Variants in SOX5 observed in about 807,000 individuals in gnomAD.
The protein encoded by SOX5 is transcription factor SOX-5.
SOX5 carries 9 observed loss-of-function variants against 92.0 expected under a neutral mutation model. That is an observed-to-expected ratio of 0.10 (90% confidence interval 0.06 to 0.17). SOX5 has a LOEUF of 0.17. Among genes scored for constraint, SOX5 ranks in the 10% least tolerant of loss-of-function variants. The probability of loss-of-function intolerance (pLI) is 1.00; values close to 1 mark genes in which losing one functional copy is unlikely to be tolerated. For synonymous variants in SOX5, 344 were observed against 336.3 expected (o/e 1.02, Z -0.25); for missense variants, 642 against 944.5 (o/e 0.68, Z 4.20).
intron 6 of SOX5, among the ~76,000 whole-genome samples, chr12:23,719,463 T>A (rs976703715): frequency 7.2e-5 from 11 of 152,094 alleles, no homozygotes; most frequent in African/African-American, 2.7e-4. Flanking sequence ...AAGGAGCTAT[T>A]TGCCAAGCAT....
intron 1 of SOX5, among the ~76,000 whole-genome samples, chr12:24,417,183 A>C (rs143678871): frequency 6.6e-6 from 1 of 152,336 alleles, no homozygotes; most frequent in Non-Finnish European, 1.5e-5. Flanking sequence ...CAAAGCTACG[A>C]GACTGGACAG....
At chr12:23,545,382 G>A (rs1942922395) in intron 12 of SOX5, among the ~76,000 whole-genome samples, 1 of 152,174 alleles carries the variant, frequency 6.6e-6, no homozygotes, top group Non-Finnish European at 1.5e-5. Flanking sequence ...TATTGTATAA[G>A]AAGAACAGCA....
chr12:24,326,477 C>G (rs1950690983), intron 2 of SOX5, among the ~76,000 whole-genome samples: 1 of 152,016 alleles, frequency 6.6e-6, no homozygotes, highest in African/African-American at 2.4e-5. Flanking sequence ...TCTATCCCTA[C>G]TAGACTGTAA....
Position 23,756,229 on chromosome 12 carries a change from C to T in SOX5, c.482-505G>A, listed in dbSNP as rs544737166. On this transcript the variant is annotated intron_variant, in intron 3 of 14. Transcript: ENST00000451604. ...ACTGTGGTAAGATTTGCCAGTACTG[C>T]GAACATAAAAAAAAACAAAAAAAAA... Among the ~76,000 whole-genome samples the T allele has an allele frequency of 4.1e-3, 587 of 144,156 alleles. 1 individual carries two copies. The highest frequency in any genetic ancestry group is 9.8e-3 in the South Asian group (44 of 4,480). 94.6% of individuals were successfully genotyped at this position (144,156 alleles called of 152,430 possible).
chr12:23,608,142 G>T (rs1009023032), intron 8 of SOX5, among the ~76,000 whole-genome samples: 12 of 118,752 alleles, frequency 1.0e-4, no homozygotes, highest in African/African-American at 3.8e-4. Flanking sequence ...AAAAAAAAAA[G>T]GCTGAGCTGA....
chr12:23,650,152 A>C (rs1285195001), intron 7 of SOX5, among the ~76,000 whole-genome samples: 1 of 152,156 alleles, frequency 6.6e-6, no homozygotes, highest in African/African-American at 2.4e-5. Context: ...AGGATTCACC[A>C]TGTAAACTAA....
chr12:23,984,862 A>T (rs894299885), intron 4 of SOX5, among the ~76,000 whole-genome samples: 1 of 152,202 alleles, frequency 6.6e-6, no homozygotes, highest in African/African-American at 2.4e-5. Context: ...GACTAATAAT[A>T]ATTGTAATTA....
chr12:23,529,566 T>C lies in SOX5; in HGVS notation c.*4653A>G, dbSNP rs1276081757. ...TGGCAGTAATACTGAAAAAGGAGAA[T>C]GCAAAAAAATAAAATAAAATAAACA... On this transcript the variant is annotated 3_prime_UTR_variant, in exon 15 of 15. Transcript: ENST00000451604. The C allele has an allele frequency of 6.6e-6, 1 of 151,780 alleles. No homozygotes were observed. Among genetic ancestry groups the C allele is most frequent in the African/African-American group, 2.4e-5 (1 of 41,342 alleles). 9.4% of individuals were successfully genotyped at this position (151,780 alleles called of 1,614,324 possible). A position where few individuals can be genotyped will look rare whatever the true frequency, so the allele number is the denominator to read the frequency against.
At chr12:24,031,463 T>A (rs1569509143) in intron 4 of SOX5, among the ~76,000 whole-genome samples, 1 of 151,880 alleles carries the variant, frequency 6.6e-6, no homozygotes, top group Non-Finnish European at 1.5e-5. Context: ...CTAATTTACA[T>A]GTGAAATCTC....
intron 13 of SOX5, among the ~76,000 whole-genome samples, chr12:23,540,117 A>AAAT (rs1484531939): frequency 6.6e-6 from 1 of 151,706 alleles, no homozygotes; most frequent in Non-Finnish European, 1.5e-5. Context: ...AAGAGAGAAA[A>AAAT]AATATCTACT....
intron 1 of SOX5, among the ~76,000 whole-genome samples, chr12:24,401,421 T>C (rs1394814464): frequency 6.6e-6 from 1 of 151,700 alleles, no homozygotes; most frequent in Non-Finnish European, 1.5e-5. Flanking sequence ...CATTAAAAAT[T>C]TGTACTGGCC....
At chr12:23,535,502 C>G (rs1047644900) in intron 14 of SOX5, among the ~76,000 whole-genome samples, 2 of 152,190 alleles carry the variant, frequency 1.3e-5, no homozygotes, top group African/African-American at 4.8e-5. Flanking sequence ...GCATCTGGTC[C>G]TATAAATAAT....
At chr12:23,593,482 A>G (rs944326044) in intron 9 of SOX5, among the ~76,000 whole-genome samples, 5 of 152,148 alleles carry the variant, frequency 3.3e-5, no homozygotes, top group South Asian at 2.1e-4. Context: ...TGCTCCTTAC[A>G]CTAGCTTTGT....
chr12:23,689,002 A>AT (rs1566987847), intron 6 of SOX5, among the ~76,000 whole-genome samples: 8 of 152,142 alleles, frequency 5.3e-5, no homozygotes, highest in African/African-American at 1.9e-4. Flanking sequence ...TCAGAAAATT[A>AT]TTATCTGACA....
intron 4 of SOX5, among the ~76,000 whole-genome samples, chr12:24,203,268 A>G (rs1455235537): frequency 6.6e-6 from 1 of 152,108 alleles, no homozygotes; most frequent in African/African-American, 2.4e-5. Context: ...TGTTTTCATC[A>G]TTGTTTACTC....
At chr12:23,950,997 A>G, upstream of SOX5, 1 of 779,632 alleles carries the variant, frequency 1.3e-6, no homozygotes. Flanking sequence ...ACACACACAC[A>G]CACACACTCA....
rs1174543950 is a variant in SOX5 at position 24,494,826 on chromosome 12, AT to A, written c.-251+67502del. Among the ~76,000 whole-genome samples, 7 of 152,254 alleles carry A rather than the reference AT, an allele frequency of 4.6e-5. No homozygotes were observed. In the East Asian group the frequency reaches 5.8e-4, roughly 13 times the overall value. ...CACTATCAATGTAATGAAAAAAAAA[AT>A]ACCCCCAAAAAACAGCATTACAGAA... On this transcript the variant is annotated intron_variant, in intron 1 of 4. Transcript: ENST00000446891.
chr12:23,881,682 T>C (rs1255556405), intron 2 of SOX5, among the ~76,000 whole-genome samples: 10 of 152,196 alleles, frequency 6.6e-5, no homozygotes, highest in Admixed American at 6.5e-4. Context: ...TTAAAGATTA[T>C]CCCTAAGAAA....
At chr12:23,722,556 G>A (rs1158786070) in intron 6 of SOX5, among the ~76,000 whole-genome samples, 1 of 152,064 alleles carries the variant, frequency 6.6e-6, no homozygotes, top group Non-Finnish European at 1.5e-5. Context: ...ATTAACCTTG[G>A]ATTCATTTCA....
Sources: allele counts gnomAD v4.1 joint callset (sites outside exome capture counted in the v4.1 genomes callset), GRCh38; gene constraint gnomAD v4.1.1; transcripts MANE v1.5; gene names NCBI Gene and HGNC (gene_info 2026-07-23, HGNC 2026-07-21).